KPNA4: variants seen among roughly 807,000 people sequenced by gnomAD.
KPNA4 encodes the protein karyopherin subunit alpha 4, also known as importin subunit alpha-3.
KPNA4 carries 13 observed loss-of-function variants against 71.3 expected under a neutral mutation model. The observed-to-expected ratio is 0.18, with a 90% CI of 0.12 to 0.29. The LOEUF (loss-of-function observed/expected upper bound fraction) is 0.29. Ranked by LOEUF, KPNA4 falls within the 10% of genes least tolerant of loss-of-function variation. The probability of loss-of-function intolerance (pLI) is 1.00; values close to 1 mark genes in which losing one functional copy is unlikely to be tolerated. For missense variants in KPNA4, 334 were observed against 603.2 expected (o/e 0.55, Z 4.67); for synonymous variants, 189 against 195.2 (o/e 0.97, Z 0.26).
intron 1 of KPNA4, among the ~76,000 whole-genome samples, chr3:160,540,223 A>G (rs1473441384): frequency 1.3e-5 from 2 of 151,464 alleles, no homozygotes; most frequent in Non-Finnish European, 2.9e-5. Flanking sequence ...CTGGTCTCGA[A>G]CTCCTGACCT....
chr3:160,552,327 C>A (rs1055916515), intron 1 of KPNA4, among the ~76,000 whole-genome samples: 17 of 152,192 alleles, frequency 1.1e-4, no homozygotes, highest in African/African-American at 3.9e-4. Context: ...CAAAACTGCA[C>A]TTGTATTCCA....
In KPNA4 at chr3:160,536,161, A is replaced by C. The variant is rs540286888; in HGVS notation, c.115-264T>G. ...TAAAAACAAACAAAACAAAACAAAA[A>C]CAAAAGTTTGACTAAAAAATATAGT... On this transcript the variant is annotated intron_variant, in intron 2 of 16. Coordinates refer to ENST00000334256, the MANE Select transcript of KPNA4 (RefSeq NM_002268.5). 2.8e-4 allele frequency among the ~76,000 whole-genome samples: 43 copies of C among 152,206 alleles called. 1 individual carries two copies. The East Asian group carries it at 7.3e-3, about 26-fold the overall frequency.
intron 7 of KPNA4, among the ~76,000 whole-genome samples, chr3:160,529,540 T>C (rs1325758999): frequency 6.6e-6 from 1 of 151,864 alleles, no homozygotes; most frequent in Non-Finnish European, 1.5e-5. Context: ...GGATAACATC[T>C]TTGTTCCCCT....
chr3:160,514,057 A>G lies in KPNA4; in HGVS notation c.1137+20T>C, dbSNP rs1370718474. The G allele has an allele frequency of 6.5e-6, 9 of 1,387,036 alleles. No individual in the cohort carries two copies. In the South Asian group the frequency reaches 1.2e-4, roughly 19 times the overall value. 85.9% of individuals were successfully genotyped at this position (1,387,036 alleles called of 1,614,324 possible). A position where few individuals can be genotyped will look rare whatever the true frequency, so the allele number is the denominator to read the frequency against. ...TCCCCTTACATCAGATAAATGATAC[A>G]TATAACATGATTTTCTTACCTTATC... On this transcript the variant is annotated intron_variant, in intron 13 of 16. Transcript: ENST00000334256.
Position 160,529,889 on chromosome 3 carries a change from G to A in KPNA4, c.469+966C>T, listed in dbSNP as rs558192388. 1.9e-4 allele frequency among the ~76,000 whole-genome samples: 29 copies of A among 152,036 alleles called. No homozygotes were observed. The South Asian group carries it at 4.8e-3, about 25-fold the overall frequency. On this transcript the variant is annotated intron_variant, in intron 7 of 16. Transcript: ENST00000334256. ...TCACACCTGTAATCCCAGCACTTTGGGAGGCCGAGGCAGGCGGATCATGAG... is the reference window on the plus strand; with the variant it reads ...TCACACCTGTAATCCCAGCACTTTGAGAGGCCGAGGCAGGCGGATCATGAG...
At chr3:160,549,730 T>C (rs1044332886) in intron 1 of KPNA4, among the ~76,000 whole-genome samples, 6 of 152,250 alleles carry the variant, frequency 3.9e-5, no homozygotes, top group African/African-American at 4.8e-5. Context: ...TTTCTCAAGA[T>C]TGTTTTGGAT....
At position 160,535,569 on chromosome 3, in the gene KPNA4, T is replaced by C. The variant is rs1406532308; in HGVS notation, c.235-4A>G. 2 of 1,590,630 alleles carry C rather than the reference T, an allele frequency of 1.3e-6. No individual in the cohort carries two copies. Among genetic ancestry groups the C allele is most frequent in the Non-Finnish European group, 1.7e-6 (2 of 1,167,092 alleles). On this transcript the variant is annotated splice_polypyrimidine_tract_variant and splice_region_variant and intron_variant, in intron 4 of 16. Transcript: ENST00000334256. Reference sequence around the variant, plus strand: ...CTTGGTTATCACTTGAAGCATTCTATAAAAAATAAAATAATTTATGATGTA... The same window carrying C: ...CTTGGTTATCACTTGAAGCATTCTACAAAAAATAAAATAATTTATGATGTA...
At chr3:160,523,456 C>T (rs946734455) in intron 10 of KPNA4, among the ~76,000 whole-genome samples, 3 of 152,084 alleles carry the variant, frequency 2.0e-5, no homozygotes, top group African/African-American at 4.8e-5. Flanking sequence ...AAAGACACCC[C>T]GAAACTCCTA....
At chr3:160,515,212 A>G in intron 12 of KPNA4, 1 of 584,456 alleles carries the variant, frequency 1.7e-6, no homozygotes. Context: ...TTCAACACCC[A>G]ATTATCTCTA....
At chr3:160,526,572 T>C (rs1721464371) in intron 8 of KPNA4, among the ~76,000 whole-genome samples, 2 of 152,252 alleles carry the variant, frequency 1.3e-5, no homozygotes, top group Non-Finnish European at 1.5e-5. Flanking sequence ...TATTGGGCTC[T>C]AGCTCAGGCC....
intron 11 of KPNA4, among the ~76,000 whole-genome samples, chr3:160,519,055 G>C (rs958986625): frequency 6.6e-6 from 1 of 151,664 alleles, no homozygotes; most frequent in African/African-American, 2.4e-5. Flanking sequence ...CTATTTCTAG[G>C]CCCCTTATAT....
intron 1 of KPNA4, among the ~76,000 whole-genome samples, chr3:160,538,426 G>A (rs1721733223): frequency 2.0e-5 from 3 of 152,044 alleles, no homozygotes; most frequent in South Asian, 2.1e-4. Context: ...TGGCTACATT[G>A]AGTGAAGGAA....
Position 160,535,472 on chromosome 3 carries a change from T to TA in KPNA4, c.287+40dup, listed in dbSNP as rs773903160. The TA allele has an allele frequency of 4.7e-6, 7 of 1,493,738 alleles. No homozygotes were observed. In the African/African-American group the frequency reaches 8.3e-5, roughly 18 times the overall value. The allele number at this position is 1,493,738 out of a possible 1,614,324, so 92.5% of individuals were successfully genotyped here. On this transcript the variant is annotated intron_variant, in intron 5 of 16. Transcript: ENST00000334256. ...AAAAATTCAAAATAGAACCCCTGTGTAAGTTGTAAAATCTAAACATGTCTT... is the reference window on the plus strand; with the variant it reads ...AAAAATTCAAAATAGAACCCCTGTGTAAAGTTGTAAAATCTAAACATGTCTT...
chr3:160,542,532 C>A (rs1412859841), intron 1 of KPNA4, among the ~76,000 whole-genome samples: 1 of 152,110 alleles, frequency 6.6e-6, no homozygotes, highest in Non-Finnish European at 1.5e-5. Flanking sequence ...TAATTAATAT[C>A]TCCTAAGGAT....
At chr3:160,524,550 C>T (rs1211646950) in intron 10 of KPNA4, among the ~76,000 whole-genome samples, 1 of 151,840 alleles carries the variant, frequency 6.6e-6, no homozygotes, top group Admixed American at 6.6e-5. Context: ...CGTCATGTTG[C>T]CCAGGCTGGT....
intron 13 of KPNA4, among the ~76,000 whole-genome samples, chr3:160,513,202 A>G (rs1227844578): frequency 5.4e-5 from 8 of 149,430 alleles, no homozygotes; most frequent in African/African-American, 2.0e-4. Flanking sequence ...TTAATTACAG[A>G]TCAGTGTTCA....
At chr3:160,533,114 C>T (rs1721606290) in intron 5 of KPNA4, among the ~76,000 whole-genome samples, 1 of 152,112 alleles carries the variant, frequency 6.6e-6, no homozygotes, top group Non-Finnish European at 1.5e-5. Context: ...ACCTCTGCTT[C>T]CCAGGTTCGA....
intron 14 of KPNA4, among the ~76,000 whole-genome samples, chr3:160,509,229 G>A (rs1336483712): frequency 6.6e-6 from 1 of 152,166 alleles, no homozygotes; most frequent in Non-Finnish European, 1.5e-5. Context: ...TAGTTCCTAA[G>A]TCCTAGCCAT....
rs1720757189 is a variant in KPNA4, at chr3:160,496,133, C to T, written c.*5971G>A. On this transcript the variant is annotated 3_prime_UTR_variant, in exon 17 of 17. Coordinates refer to ENST00000334256, the MANE Select transcript of KPNA4 (RefSeq NM_002268.5). Reference sequence around the variant, plus strand: ...TGAAACCCCATCTCTACTAAAAATACAAAAATTAGCCGGGCGTGGTGGTGC... The same window carrying T: ...TGAAACCCCATCTCTACTAAAAATATAAAAATTAGCCGGGCGTGGTGGTGC... 1 of 152,166 alleles carries T rather than the reference C, an allele frequency of 6.6e-6. No homozygotes were observed. Among genetic ancestry groups the T allele is most frequent in the Admixed American group, 6.6e-5 (1 of 15,252 alleles). 9.4% of individuals were successfully genotyped at this position (152,166 alleles called of 1,614,324 possible).
Sources: allele counts gnomAD v4.1 joint callset (sites outside exome capture counted in the v4.1 genomes callset), GRCh38; gene constraint gnomAD v4.1.1; transcripts MANE v1.5; gene names NCBI Gene and HGNC (gene_info 2026-07-23, HGNC 2026-07-21).